Variants in FOCAD observed in about 807,000 individuals in gnomAD.
FOCAD encodes KIAA1797.
Under a neutral mutation model 225.6 loss-of-function variants are expected in FOCAD, and 198 were observed. That is an observed-to-expected ratio of 0.88 (90% CI 0.78 to 0.99). The LOEUF (loss-of-function observed/expected upper bound fraction) is 0.99. Ranked by LOEUF, FOCAD falls within the 50% of genes least tolerant of loss-of-function variation. The probability of loss-of-function intolerance (pLI) is 0.00; values close to 1 mark genes in which losing one functional copy is unlikely to be tolerated. For synonymous variants in FOCAD, 897 were observed against 755.0 expected, an observed-to-expected ratio of 1.19 and a Z score of -3.08; for missense variants, 2,713 against 2,123.6, an observed-to-expected ratio of 1.28 and a Z score of -5.46.
At position 20,978,385 on chromosome 9, in the gene FOCAD, A is replaced by G. The variant is rs150050127; in HGVS notation, c.4308A>G (p.Ala1436=). Residue 1436 remains alanine, a synonymous_variant, in exon 37 of 44, where the codon GCA becomes GCG. Coordinates refer to ENST00000338382, the MANE Select transcript of FOCAD (RefSeq NM_001375567.1). ...GCCTTGAAATTATGGTGACCCAGGC[A>G]CAGTCATCCCAGAATGCAGCTGCAC... ...QLCLEIMVTQ[A]QSSQNAAALL... is the part of the protein sequence containing the mutation. The G allele has an allele frequency of 2.9e-5, 47 of 1,612,144 alleles. No individual in the cohort carries two copies. The African/African-American group carries it at 6.0e-4, about 21-fold the overall frequency.
chr9:20,885,034 G>C lies in FOCAD; in HGVS notation c.2504-75G>C, dbSNP rs1830991872. The stretch of plus-strand genomic sequence containing the variant: ...AGATTGCACCACTGCACTCCAGCCT[G>C]GGCAACAGAGTGAGATTCTGTCTTA... On this transcript the variant is annotated intron_variant, in intron 20 of 43. Coordinates refer to ENST00000338382, the MANE Select transcript of FOCAD (RefSeq NM_001375567.1). 3 of 912,008 alleles carry C rather than the reference G, an allele frequency of 3.3e-6. No individual in the cohort carries two copies. In the Admixed American group the frequency reaches 1.4e-4, roughly 43 times the overall value. 56.5% of individuals were successfully genotyped at this position (912,008 alleles called of 1,614,324 possible).
chr9:20,744,407 C>G (rs1457026683), intron 5 of FOCAD, among the ~76,000 whole-genome samples: 1 of 152,196 alleles, frequency 6.6e-6, no homozygotes, highest in African/African-American at 2.4e-5. Flanking sequence ...TCTAAGCAGT[C>G]TTTTCTTTAG....
chr9:20,970,579 G>C (rs1009742907), intron 35 of FOCAD, among the ~76,000 whole-genome samples: 3 of 151,450 alleles, frequency 2.0e-5, no homozygotes, highest in African/African-American at 7.3e-5. Context: ...TTCTTTTCTT[G>C]TATTGTTCTC....
intron 19 of FOCAD, among the ~76,000 whole-genome samples, chr9:20,880,156 G>C (rs924894661): frequency 6.6e-6 from 1 of 152,152 alleles, no homozygotes; most frequent in African/African-American, 2.4e-5. Context: ...ACAAGAAAGG[G>C]TGGGGGATAC....
chr9:20,883,855 C>G (rs1564109914), intron 20 of FOCAD, among the ~76,000 whole-genome samples: 1 of 152,066 alleles, frequency 6.6e-6, no homozygotes, highest in Non-Finnish European at 1.5e-5. Flanking sequence ...ACTCAAGAAG[C>G]TTGGAAAAGA....
At chr9:20,780,742 A>G (rs575569521) in intron 9 of FOCAD, among the ~76,000 whole-genome samples, 1 of 152,362 alleles carries the variant, frequency 6.6e-6, no homozygotes, top group East Asian at 1.9e-4. Flanking sequence ...AATTTAGGCT[A>G]TTAAAATACT....
intron 4 of FOCAD, among the ~76,000 whole-genome samples, chr9:20,739,932 C>G (rs1250215791): frequency 2.6e-5 from 4 of 152,026 alleles, no homozygotes; most frequent in Admixed American, 2.0e-4. Context: ...GTGTGGGCAA[C>G]CAATGTGGTC....
chr9:20,685,208 T>G (rs7869259), intron 1 of FOCAD, among the ~76,000 whole-genome samples: 22,725 of 151,664 alleles, frequency 0.15, 1,907 homozygotes, highest in South Asian at 0.23. Flanking sequence ...TTTTTTTTTT[T>G]TTGTTATTTT....
chr9:20,818,532 T>G (rs139132654), intron 11 of FOCAD, among the ~76,000 whole-genome samples: 270 of 152,248 alleles, frequency 1.8e-3, no homozygotes, highest in African/African-American at 6.2e-3. Context: ...TTTGAGTTAA[T>G]TTTTACATGT....
In FOCAD at chr9:20,770,114, G is replaced by A. The variant is rs201808793; in HGVS notation, c.782G>A (p.Trp261Ter). 162 of 1,614,056 alleles carry A rather than the reference G, an allele frequency of 1.0e-4. No individual in the cohort carries two copies. The highest frequency in any genetic ancestry group is 1.3e-4 in the Non-Finnish European group (158 of 1,179,988). Residue 261 changes from tryptophan to a stop codon, truncating the protein, a stop_gained, in exon 8 of 44, where the codon TGG becomes TAG. Transcript: ENST00000338382. LOFTEE classifies it high-confidence loss of function. Reference sequence around the variant, plus strand: ...AGCCTTTTGCGTCATCCTGTTTTCTGGAAAATTCAGCTTACCCAGATGAGT... The same window carrying A: ...AGCCTTTTGCGTCATCCTGTTTTCTAGAAAATTCAGCTTACCCAGATGAGT... ...CLSLLRHPVF[W>*]KIQLTQMSLQ...
intron 1 of FOCAD, among the ~76,000 whole-genome samples, chr9:20,710,885 A>C (rs1824792884): frequency 6.6e-6 from 1 of 152,252 alleles, no homozygotes; most frequent in African/African-American, 2.4e-5. Flanking sequence ...ATTAATTTAA[A>C]AATAGTTTTA....
intron 1 of FOCAD, among the ~76,000 whole-genome samples, chr9:20,703,478 T>C (rs1478810899): frequency 6.6e-6 from 1 of 152,134 alleles, no homozygotes; most frequent in Non-Finnish European, 1.5e-5. Flanking sequence ...GAGTTAAAAG[T>C]CAACTGTATT....
chr9:20,989,071 C>T (rs62558316), intron 41 of FOCAD, among the ~76,000 whole-genome samples: 19 of 152,286 alleles, frequency 1.2e-4, no homozygotes, highest in Non-Finnish European at 1.9e-4. Flanking sequence ...TGCTTTCCTT[C>T]ATTGTGTTGA....
intron 2 of FOCAD, among the ~76,000 whole-genome samples, chr9:20,667,286 A>G (rs553338651): frequency 6.6e-6 from 1 of 152,342 alleles, no homozygotes; most frequent in African/African-American, 2.4e-5. Flanking sequence ...ATCAAAGGCT[A>G]TATACTTTAG....
At chr9:20,800,677 G>A (rs970810759) in intron 11 of FOCAD, among the ~76,000 whole-genome samples, 4 of 151,938 alleles carry the variant, frequency 2.6e-5, no homozygotes, top group African/African-American at 7.2e-5. Flanking sequence ...AATAGTTCTC[G>A]TGCCGTGGTT....
intron 16 of FOCAD, among the ~76,000 whole-genome samples, chr9:20,864,200 G>A (rs1042830748): frequency 7.9e-5 from 12 of 152,002 alleles, no homozygotes; most frequent in Admixed American, 6.6e-4. Flanking sequence ...AATTTGTCTG[G>A]ATGTGAGCCA....
chr9:20,952,990 A>C lies in FOCAD; in HGVS notation c.4057A>C (p.Thr1353Pro), dbSNP rs1212760829. The change falls in exon 35 of 44, where the codon ACT becomes CCT. Residue 1353 changes from threonine to proline, a missense_variant. By Grantham distance (38) the Thr-to-Pro change is conservative. Transcript: ENST00000338382. ...ATCATTTTCTGTCTCCACAGTTCCTACTGACTATAGCTACTTGCCTGAAAG... is the reference window on the plus strand; with the variant it reads ...ATCATTTTCTGTCTCCACAGTTCCTCCTGACTATAGCTACTTGCCTGAAAG... ...SSSQSRASVP[T>P]DYSYLPESSF... is the part of the protein sequence containing the mutation. The C allele has an allele frequency of 6.2e-7, 1 of 1,613,184 alleles. No homozygotes were observed. Among genetic ancestry groups the C allele is most frequent in the South Asian group, 1.1e-5 (1 of 91,038 alleles).
intron 2 of FOCAD, among the ~76,000 whole-genome samples, chr9:20,667,296 G>C (rs1314841726): frequency 2.0e-5 from 3 of 152,094 alleles, no homozygotes; most frequent in Non-Finnish European, 4.4e-5. Context: ...ATATACTTTA[G>C]GAAAAAACTA....
At chr9:20,799,229 T>A (rs899637939) in intron 11 of FOCAD, among the ~76,000 whole-genome samples, 1 of 152,204 alleles carries the variant, frequency 6.6e-6, no homozygotes, top group African/African-American at 2.4e-5. Context: ...TTATAATTTG[T>A]GTTCTTTTAC....
Sources: allele counts gnomAD v4.1 joint callset (sites outside exome capture counted in the v4.1 genomes callset), GRCh38; gene constraint gnomAD v4.1.1; transcripts MANE v1.5; gene names NCBI Gene and HGNC (gene_info 2026-07-23, HGNC 2026-07-21).